Variants in PNPT1 observed in about 807,000 individuals in gnomAD.
PNPT1 encodes the protein polyribonucleotide nucleotidyltransferase 1.
PNPT1 carries 53 observed loss-of-function variants against 119.5 expected under a neutral mutation model. The observed-to-expected ratio is 0.44, with a 90% confidence interval of 0.36 to 0.56. PNPT1 has a LOEUF of 0.56. Ranked by LOEUF, PNPT1 falls within the 20% of genes least tolerant of loss-of-function variation. PNPT1 has a pLI of 0.00. For missense variants in PNPT1, 948 were observed against 938.5 expected (o/e 1.01, Z -0.13); for synonymous variants, 357 against 322.1 (o/e 1.11, Z -1.16).
chr2:55,681,819 G>C (rs1357746615), intron 5 of PNPT1, among the ~76,000 whole-genome samples: 1 of 145,630 alleles, frequency 6.9e-6, no homozygotes, highest in African/African-American at 2.6e-5. Flanking sequence ...TCTCCAGCCT[G>C]GGCAACAAGA....
intron 11 of PNPT1, 101 bp downstream of exon 11, chr2:55,671,218 C>T (rs1696903197): frequency 5.5e-6 from 3 of 541,570 alleles, no homozygotes; most frequent in Non-Finnish European, 9.4e-6. Flanking sequence ...AGATGTGATG[C>T]CTTTCCTCTT....
At chr2:55,691,206 G>A (rs1269063189) in intron 1 of PNPT1, among the ~76,000 whole-genome samples, 1 of 152,148 alleles carries the variant, frequency 6.6e-6, no homozygotes, top group African/African-American at 2.4e-5. Context: ...TGCCCACTGT[G>A]GCATATTCTG....
At chr2:55,683,941 T>C (rs1697322502) in intron 4 of PNPT1, 107 bp from the exon 5 acceptor site, 3 of 1,086,782 alleles carry the variant, frequency 2.8e-6, no homozygotes, top group Admixed American at 4.4e-5. Flanking sequence ...TCAAGAAAAA[T>C]CCCCTTGGAC....
chr2:55,649,569 C>T (rs1696107898), intron 18 of PNPT1, among the ~76,000 whole-genome samples: 1 of 152,194 alleles, frequency 6.6e-6, no homozygotes, highest in Admixed American at 6.5e-5. Context: ...CCAGATTTTA[C>T]TTTCTCTCTT....
At chr2:55,637,493 A>G (rs1695710827) in intron 27 of PNPT1, 59 bp downstream of exon 27, 2 of 1,468,012 alleles carry the variant, frequency 1.4e-6, no homozygotes, top group Middle Eastern at 1.8e-4. Context: ...TTTGAAAAAA[A>G]CAATGGAAGC....
chr2:55,643,464 G>T (rs896088318), intron 23 of PNPT1, 39 bp from the exon 24 acceptor site: 2 of 1,568,056 alleles, frequency 1.3e-6, no homozygotes, highest in Non-Finnish European at 1.8e-6. Flanking sequence ...AGTTAACTTG[G>T]CTGGGCATAG....
chr2:55,679,436 T>A (rs1408490897), intron 8 of PNPT1, among the ~76,000 whole-genome samples: 1 of 152,156 alleles, frequency 6.6e-6, no homozygotes, highest in Non-Finnish European at 1.5e-5. Context: ...TAAAATTTAG[T>A]CTAAAAATAA....
chr2:55,647,309 C>T, intron 19 of PNPT1, 38 bp downstream of exon 19: 1 of 1,440,850 alleles, frequency 6.9e-7, no homozygotes, highest in Non-Finnish European at 9.5e-7. Context: ...TATTTTTAGT[C>T]TTCATTATTA....
intron 18 of PNPT1, among the ~76,000 whole-genome samples, chr2:55,649,173 T>C (rs1189031972): frequency 6.6e-6 from 1 of 152,184 alleles, no homozygotes; most frequent in Non-Finnish European, 1.5e-5. Context: ...GCCCAGTGGC[T>C]CATGCTTGTA....
chr2:55,686,854 G>A (rs1697419631), intron 2 of PNPT1, among the ~76,000 whole-genome samples: 1 of 152,138 alleles, frequency 6.6e-6, no homozygotes, highest in African/African-American at 2.4e-5. Flanking sequence ...ATACGGCTGG[G>A]CACGGTCGCT....
At chr2:55,666,050 T>G (rs1253260955) in intron 13 of PNPT1, among the ~76,000 whole-genome samples, 2 of 152,148 alleles carry the variant, frequency 1.3e-5, no homozygotes, top group Non-Finnish European at 2.9e-5. Context: ...CAATATGCCA[T>G]AAACTAGAGT....
At chr2:55,642,442 T>G (rs1468717832) in intron 25 of PNPT1, among the ~76,000 whole-genome samples, 2 of 151,252 alleles carry the variant, frequency 1.3e-5, no homozygotes, top group Non-Finnish European at 2.9e-5. Flanking sequence ...CCGTCTCTAC[T>G]AAAAATACAA....
At chr2:55,670,668 G>GT (rs957962547) in intron 11 of PNPT1, among the ~76,000 whole-genome samples, 2 of 152,054 alleles carry the variant, frequency 1.3e-5, no homozygotes, top group African/African-American at 4.8e-5. Context: ...CATAAACCAG[G>GT]TATTATTAAC....
intron 4 of PNPT1, 101 bp from the exon 5 acceptor site, chr2:55,683,935 GA>G (rs1039085174): frequency 1.7e-6 from 2 of 1,154,234 alleles, no homozygotes; most frequent in Non-Finnish European, 2.5e-6. Context: ...ATGTTTTCAA[GA>G]AAAATCCCCT....
chr2:55,657,876 A>ATGT (rs1696438034), intron 15 of PNPT1, among the ~76,000 whole-genome samples: 1 of 72,058 alleles, frequency 1.4e-5, no homozygotes, highest in African/African-American at 9.0e-5. Flanking sequence ...AAAAAAAAAA[A>ATGT]AAAAAAAAAA....
intron 27 of PNPT1, 106 bp downstream of exon 27, chr2:55,637,446 T>C: frequency 9.6e-7 from 1 of 1,043,290 alleles, no homozygotes; most frequent in Non-Finnish European, 1.5e-6. Context: ...TGCATACAAA[T>C]AAAAAACTTC....
intron 8 of PNPT1, among the ~76,000 whole-genome samples, chr2:55,677,721 T>A (rs973969895): frequency 2.0e-5 from 3 of 151,368 alleles, no homozygotes; most frequent in Non-Finnish European, 2.9e-5. Context: ...CAGGTTTACT[T>A]CTGTGTCTTT....
intron 5 of PNPT1, among the ~76,000 whole-genome samples, chr2:55,682,891 C>G (rs1215449100): frequency 4.6e-5 from 7 of 152,122 alleles, no homozygotes; most frequent in African/African-American, 1.7e-4. Flanking sequence ...GCCTGGGCAA[C>G]AGAGGTCCTG....
At chr2:55,644,798 T>A in intron 22 of PNPT1, 78 bp from the exon 23 acceptor site, 1 of 234,454 alleles carries the variant, frequency 4.3e-6, no homozygotes, top group South Asian at 1.2e-4. Flanking sequence ...TCACTTGAGA[T>A]TTTTTTTTTT....
Sources: gnomAD v4.1 joint callset for allele counts (sites outside exome capture counted in the v4.1 genomes callset) on GRCh38, gnomAD v4.1.1 for gene constraint, MANE v1.5 for transcripts, NCBI Gene and HGNC (gene_info 2026-07-23, HGNC 2026-07-21) for gene names.